The following CRBN variants were observed in gnomAD, a reference collection of about 807,000 sequenced individuals.
CRBN encodes cereblon.
A neutral mutation model predicts 62.2 loss-of-function variants in CRBN; 53 were observed. That is an observed-to-expected ratio of 0.85 (90% confidence interval 0.68 to 1.07). The LOEUF is 1.07. Ranked by LOEUF, CRBN falls within the 50% of genes least tolerant of loss-of-function variation. The pLI, the probability that CRBN is intolerant of heterozygous loss-of-function variation, is 0.00. For missense variants in CRBN, 616 were observed against 531.1 expected (o/e 1.16, Z -1.57); for synonymous variants, 208 against 176.1 (o/e 1.18, Z -1.43).
Position 3,150,062 on chromosome 3 carries a change from T to C in CRBN, c.*803A>G, listed in dbSNP as rs951775832. Reference sequence around the variant, plus strand: ...ACTTACAGATTTTCTTCAATTTACATTGAACAAAATAATACAGTATCAAGT... The same window carrying C: ...ACTTACAGATTTTCTTCAATTTACACTGAACAAAATAATACAGTATCAAGT... On this transcript the variant is annotated 3_prime_UTR_variant, in exon 11 of 11. Transcript: ENST00000231948. The C allele has an allele frequency of 2.6e-5, 4 of 152,174 alleles. No homozygotes were observed. Among genetic ancestry groups the C allele is most frequent in the Admixed American group, 2.0e-4 (3 of 15,276 alleles). The allele number at this position is 152,174 out of a possible 1,614,324, so 9.4% of individuals were successfully genotyped here. A position where few individuals can be genotyped will look rare whatever the true frequency, so the allele number is the denominator to read the frequency against.
chr3:3,156,132 T>TG, intron 6 of CRBN, 87 bp downstream of exon 6: 1 of 1,144,344 alleles, frequency 8.7e-7, no homozygotes, highest in Admixed American at 1.8e-5. Context: ...CACTAGAAAC[T>TG]GGAAAAACTA....
At chr3:3,177,180 C>G (rs1039874589) in intron 1 of CRBN, among the ~76,000 whole-genome samples, 1 of 152,206 alleles carries the variant, frequency 6.6e-6, no homozygotes, top group Admixed American at 6.5e-5. Context: ...TAAAGAATTA[C>G]TGAATCTCAT....
At chr3:3,160,489 C>G (rs1045778066) in intron 5 of CRBN, among the ~76,000 whole-genome samples, 1 of 152,178 alleles carries the variant, frequency 6.6e-6, no homozygotes, top group African/African-American at 2.4e-5. Flanking sequence ...GAGGCTTATA[C>G]GCTAATGGCA....
intron 5 of CRBN, among the ~76,000 whole-genome samples, chr3:3,157,597 A>G (rs1706952972): frequency 6.6e-6 from 1 of 152,156 alleles, no homozygotes; most frequent in African/African-American, 2.4e-5. Context: ...TAGTCATATG[A>G]TCTTGCAAGT....
At position 3,172,704 on chromosome 3, in the gene CRBN, A is replaced by G. The variant is rs561580707; in HGVS notation, c.527+72T>C. ...TTACAAAATATGAAGGCTCAGTAGA[A>G]CAGAAAAAGTACAAGAAAACTATTT... On this transcript the variant is annotated intron_variant, in intron 4 of 10. Transcript: ENST00000231948. The G allele has an allele frequency of 2.0e-5, 30 of 1,478,212 alleles. 1 individual carries two copies. The East Asian group carries it at 6.6e-4, about 32-fold the overall frequency. 91.6% of individuals were successfully genotyped at this position (1,478,212 alleles called of 1,614,324 possible).
At chr3:3,158,500 C>T (rs1707005146) in intron 5 of CRBN, among the ~76,000 whole-genome samples, 1 of 152,190 alleles carries the variant, frequency 6.6e-6, no homozygotes, top group South Asian at 2.1e-4. Flanking sequence ...TTGTCCCTCA[C>T]TTTTAAGACT....
chr3:3,151,502 A>AAAAACTAG (rs3840225), intron 10 of CRBN, among the ~76,000 whole-genome samples: 1 of 151,800 alleles, frequency 6.6e-6, no homozygotes, highest in Non-Finnish European at 1.5e-5. Flanking sequence ...GTAAATATTT[A>AAAAACTAG]TATTCTAAAA....
chr3:3,178,261 G>A (rs1375387807), intron 1 of CRBN, among the ~76,000 whole-genome samples: 1 of 152,174 alleles, frequency 6.6e-6, no homozygotes, highest in African/African-American at 2.4e-5. Flanking sequence ...AGCTAGAATG[G>A]CTTCGAGAAC....
chr3:3,169,324 CTTGT>C (rs1473302016), intron 4 of CRBN, among the ~76,000 whole-genome samples: 3 of 152,188 alleles, frequency 2.0e-5, no homozygotes, highest in East Asian at 3.9e-4. Context: ...TTCTTTCCAA[CTTGT>C]TTATCACAGT....
At chr3:3,159,982 C>G (rs1201896126) in intron 5 of CRBN, among the ~76,000 whole-genome samples, 1 of 152,138 alleles carries the variant, frequency 6.6e-6, no homozygotes, top group Non-Finnish European at 1.5e-5. Context: ...AATTTTAATA[C>G]TAGCCAAAAA....
chr3:3,150,960 G>C lies in CRBN; in HGVS notation c.1234C>G (p.Gln412Glu), dbSNP rs1706495850. 6.2e-7 allele frequency: 1 copy of C among 1,614,030 alleles called. No individual in the cohort carries two copies. Among genetic ancestry groups the C allele is most frequent in the East Asian group, 2.2e-5 (1 of 44,866 alleles). ...GATCGCGTTAAGCCCCAAAATTTTT[G>C]AGGTGACATGTCTTTTTTGGTGGCC... ...FTATKKDMSPQKFWGLTRSAL... is the reference protein window; with the variant it reads ...FTATKKDMSPEKFWGLTRSAL... Residue 412 changes from glutamine (Q) to glutamate (E), a missense_variant, in exon 11 of 11, where the codon CAA (glutamine) becomes GAA (glutamate). By Grantham distance (29) the Gln-to-Glu change is conservative (BLOSUM62 2). Transcript: ENST00000231948.
chr3:3,151,420 C>G (rs1706540611), intron 10 of CRBN, among the ~76,000 whole-genome samples: 1 of 152,116 alleles, frequency 6.6e-6, no homozygotes, highest in Non-Finnish European at 1.5e-5. Context: ...TAGAAAACAG[C>G]AATTACCTGC....
intron 5 of CRBN, among the ~76,000 whole-genome samples, chr3:3,165,061 C>T (rs1449189393): frequency 6.6e-6 from 1 of 152,078 alleles, no homozygotes; most frequent in Admixed American, 6.6e-5. Flanking sequence ...TTCAAGCCTT[C>T]AGTTAAGTAA....
Position 3,153,988 on chromosome 3 carries a change from A to C in CRBN, c.923T>G (p.Leu308Arg), listed in dbSNP as rs745521075. 6.2e-7 allele frequency: 1 copy of C among 1,610,488 alleles called. No individual in the cohort carries two copies. Among genetic ancestry groups the C allele is most frequent in the Non-Finnish European group, 8.5e-7 (1 of 1,176,688 alleles). Residue 308 changes from leucine (L) to arginine (R), a missense_variant, in exon 8 of 11, where the codon CTT becomes CGT. Leu to Arg is a moderately radical substitution (Grantham distance 102). Coordinates refer to ENST00000231948, the MANE Select transcript of CRBN (RefSeq NM_016302.4). ...LLKIGSAIQR[L>R]RCELDIMNKC... ...ATTCATAATGTCTAATTCACAGCGAAGTCGCTGGATAGCACTGCCAATTTT... is the reference window on the plus strand; with the variant it reads ...ATTCATAATGTCTAATTCACAGCGACGTCGCTGGATAGCACTGCCAATTTT...
At chr3:3,167,206 T>C (rs999890644) in intron 5 of CRBN, among the ~76,000 whole-genome samples, 3 of 152,090 alleles carry the variant, frequency 2.0e-5, no homozygotes, top group Admixed American at 6.5e-5. Flanking sequence ...TTAAAACACA[T>C]AGCAAAAGAA....
intron 3 of CRBN, among the ~76,000 whole-genome samples, chr3:3,173,323 G>A (rs1430893466): frequency 1.3e-5 from 2 of 152,158 alleles, no homozygotes; most frequent in Non-Finnish European, 2.9e-5. Flanking sequence ...CTCCCAAAGT[G>A]CTGGGAGTAT....
intron 6 of CRBN, 122 bp downstream of exon 6, chr3:3,156,097 C>G (rs1386046161): frequency 5.8e-6 from 5 of 862,298 alleles, no homozygotes; most frequent in Non-Finnish European, 9.5e-6. Flanking sequence ...AGCCACCACT[C>G]TTAACGATAT....
At chr3:3,163,043 C>T (rs1026774419) in intron 5 of CRBN, among the ~76,000 whole-genome samples, 1 of 152,200 alleles carries the variant, frequency 6.6e-6, no homozygotes, top group Non-Finnish European at 1.5e-5. Flanking sequence ...ATCCCCTTTC[C>T]CTGTTGGATT....
intron 6 of CRBN, 195 bp from the exon 7 acceptor site, chr3:3,155,026 C>T (rs894411530): frequency 6.7e-6 from 4 of 597,108 alleles, no homozygotes; most frequent in African/African-American, 1.9e-5. Context: ...TGTCTGCCTT[C>T]CAGCCTTTTC....
Sources: gnomAD v4.1 joint callset for allele counts (sites outside exome capture counted in the v4.1 genomes callset) on GRCh38, gnomAD v4.1.1 for gene constraint, MANE v1.5 for transcripts, NCBI Gene and HGNC (gene_info 2026-07-23, HGNC 2026-07-21) for gene names.